The following GAD2 variants were observed in gnomAD, a reference collection of about 807,000 sequenced individuals.
GAD2 encodes the protein 65 kDa glutamic acid decarboxylase.
GAD2 carries 22 observed loss-of-function variants against 80.1 expected under a neutral mutation model. The ratio of observed to expected loss-of-function variants is 0.27; its 90% confidence interval spans 0.20 to 0.39. The LOEUF (loss-of-function observed/expected upper bound fraction) is 0.39. Among genes scored for constraint, GAD2 ranks in the 10% least tolerant of loss-of-function variants. GAD2 has a pLI of 1.00. For missense variants in GAD2, 624 were observed against 738.4 expected, an observed-to-expected ratio of 0.85 and a Z score of 1.80; for synonymous variants, 274 against 256.9, an observed-to-expected ratio of 1.07 and a Z score of -0.64.
intron 6 of GAD2, among the ~76,000 whole-genome samples, chr10:26,226,604 C>T (rs891192425): frequency 2.0e-5 from 3 of 152,196 alleles, no homozygotes; most frequent in Non-Finnish European, 2.9e-5. Flanking sequence ...ACCAGCCTTG[C>T]TCCTGCAGTA....
intron 7 of GAD2, among the ~76,000 whole-genome samples, chr10:26,232,690 A>G (rs1185527058): frequency 6.6e-6 from 1 of 151,882 alleles, no homozygotes; most frequent in Non-Finnish European, 1.5e-5. Flanking sequence ...TTTAGTAGAG[A>G]CAGGGTTTCA....
chr10:26,262,890 G>A (rs571852078), intron 8 of GAD2, among the ~76,000 whole-genome samples: 1 of 151,980 alleles, frequency 6.6e-6, no homozygotes, highest in African/African-American at 2.4e-5. Context: ...TTAGGGAAGA[G>A]GGACGGTAGT....
intron 13 of GAD2, among the ~76,000 whole-genome samples, chr10:26,290,909 A>G (rs1165348581): frequency 1.3e-5 from 2 of 152,238 alleles, no homozygotes; most frequent in African/African-American, 4.8e-5. Context: ...TTTCTGTGTC[A>G]TTCCCCATGT....
At chr10:26,296,840 ATATT>A (rs1373347258) in intron 15 of GAD2, among the ~76,000 whole-genome samples, 79 of 152,306 alleles carry the variant, frequency 5.2e-4, no homozygotes, top group Non-Finnish European at 9.8e-4. Flanking sequence ...GCCTGGACTT[ATATT>A]TAATACAGAC....
chr10:26,291,046 A>T (rs1038938460), intron 13 of GAD2, among the ~76,000 whole-genome samples: 1 of 152,224 alleles, frequency 6.6e-6, no homozygotes, highest in South Asian at 2.1e-4. Context: ...ACTCTTCTTC[A>T]TGGGAAATCA....
intron 7 of GAD2, among the ~76,000 whole-genome samples, chr10:26,240,886 C>T (rs1844733905): frequency 6.6e-6 from 1 of 151,634 alleles, no homozygotes; most frequent in African/African-American, 2.4e-5. Flanking sequence ...AATACAAAAA[C>T]AAAAAATTAG....
chr10:26,224,563 A>G lies in GAD2; in HGVS notation c.636A>G (p.Val212=), dbSNP rs951588653. ...GGTTCACCTATGAAATTGCTCCAGT[A>G]TTTGTGCTTTTGGAATATGTCACAC... The part of the protein sequence containing the change: ...TNMFTYEIAP[V]FVLLEYVTLK... The change falls in exon 6 of 16, where the codon GTA becomes GTG. Residue 212 remains valine (V), a synonymous_variant. Coordinates refer to ENST00000376261, the MANE Select transcript of GAD2 (RefSeq NM_001134366.2). The G allele has an allele frequency of 3.7e-6, 6 of 1,613,554 alleles. No individual in the cohort carries two copies. Among genetic ancestry groups the G allele is most frequent in the Non-Finnish European group, 5.1e-6 (6 of 1,179,572 alleles).
At chr10:26,222,835 G>A (rs1272380973) in intron 4 of GAD2, among the ~76,000 whole-genome samples, 1 of 152,176 alleles carries the variant, frequency 6.6e-6, no homozygotes, top group Non-Finnish European at 1.5e-5. Context: ...TGTTTTGCCT[G>A]TGCTGGAGAT....
intron 8 of GAD2, among the ~76,000 whole-genome samples, chr10:26,250,052 GTCTTGCTC>G (rs2132291106): frequency 6.6e-6 from 1 of 151,988 alleles, no homozygotes; most frequent in African/African-American, 2.4e-5. Context: ...AAGACATGAG[GTCTTGCTC>G]TTTACCCAGG....
rs139860848 is a variant in GAD2, at chr10:26,236,590, C to T, written c.840+6813C>T. Among the ~76,000 whole-genome samples the T allele has an allele frequency of 4.4e-3, 675 of 152,158 alleles. 4 individuals carry two copies. Among genetic ancestry groups the T allele is most frequent in the African/African-American group, 0.015 (642 of 41,514 alleles). ...TGCTGGAATTACAGGCGTGAGCCAC[C>T]GCACCTGGCCATAAAGATGACTTTC... On this transcript the variant is annotated intron_variant, in intron 7 of 15. Coordinates refer to ENST00000376261, the MANE Select transcript of GAD2 (RefSeq NM_001134366.2).
chr10:26,270,631 T>C lies in GAD2; in HGVS notation c.976-9T>C, dbSNP rs190062355. On this transcript the variant is annotated splice_polypyrimidine_tract_variant and intron_variant, in intron 9 of 15. Transcript: ENST00000376261. ...TTTTCCATGATTTGGGGCTTTCTCGTTCGCACAGGGGTTTGTTCCTTTCCT... is the reference window on the plus strand; with the variant it reads ...TTTTCCATGATTTGGGGCTTTCTCGCTCGCACAGGGGTTTGTTCCTTTCCT... The C allele has an allele frequency of 3.4e-5, 54 of 1,600,316 alleles. 1 individual carries two copies. In the African/African-American group the frequency reaches 5.7e-4, roughly 17 times the overall value.
intron 7 of GAD2, among the ~76,000 whole-genome samples, chr10:26,236,750 C>A (rs567533529): frequency 6.6e-6 from 1 of 152,116 alleles, no homozygotes; most frequent in Admixed American, 6.5e-5. Context: ...ATGTATTGCT[C>A]CCCCCTTAGT....
At chr10:26,271,080 C>G (rs530359445) in intron 10 of GAD2, among the ~76,000 whole-genome samples, 1 of 152,322 alleles carries the variant, frequency 6.6e-6, no homozygotes, top group Non-Finnish European at 1.5e-5. Flanking sequence ...CCTACGCACA[C>G]AGTCCTGCTG....
At chr10:26,225,676 T>C (rs183183143) in intron 6 of GAD2, among the ~76,000 whole-genome samples, 2 of 152,038 alleles carry the variant, frequency 1.3e-5, no homozygotes, top group East Asian at 3.9e-4. Context: ...TAAGCAAGAG[T>C]GACCCCAAGG....
At chr10:26,234,711 TGG>T (rs1844649028) in intron 7 of GAD2, among the ~76,000 whole-genome samples, 1 of 152,176 alleles carries the variant, frequency 6.6e-6, no homozygotes, top group East Asian at 1.9e-4. Flanking sequence ...ATAAGACTGT[TGG>T]GAGGGTTCAA....
intron 6 of GAD2, among the ~76,000 whole-genome samples, chr10:26,228,471 G>A (rs113781265): frequency 2.0e-4 from 31 of 152,204 alleles, no homozygotes; most frequent in African/African-American, 7.5e-4. Context: ...CTAGTTTAGA[G>A]GGAATGAATA....
At position 26,236,889 on chromosome 10, in the gene GAD2, C is replaced by T. The variant is rs145710394; in HGVS notation, c.840+7112C>T. 1.1e-4 allele frequency among the ~76,000 whole-genome samples: 16 copies of T among 152,294 alleles called. 1 individual carries two copies. The East Asian group carries it at 3.1e-3, about 29-fold the overall frequency. Reference sequence around the variant, plus strand: ...CTCCCATGTTATTTTCTCCTCTACCCAGTCCATCCAAACCTCCTCTCAGGA... The same window carrying T: ...CTCCCATGTTATTTTCTCCTCTACCTAGTCCATCCAAACCTCCTCTCAGGA... On this transcript the variant is annotated intron_variant, in intron 7 of 15. Coordinates refer to ENST00000376261, the MANE Select transcript of GAD2 (RefSeq NM_001134366.2).
At position 26,217,612 on chromosome 10, in the gene GAD2, C is replaced by T; in HGVS notation, c.79C>T (p.Arg27Ter). The change falls in exon 2 of 16, where the codon CGA becomes TGA. Residue 27 changes from arginine (R) to a stop codon, truncating the protein, a stop_gained and splice_region_variant. Transcript: ENST00000376261. LOFTEE classifies it high-confidence loss of function. This position sits in a 1 kb window ranked among gnomAD's most constrained non-coding sequence, Gnocchi z 4.9. Reference sequence around the variant, plus strand: ...TGCCTGCCTATTCTTCCTTGCAGCGCGAGCCTGGTGCCAAGTGGCTCAGAA... The same window carrying T: ...TGCCTGCCTATTCTTCCTTGCAGCGTGAGCCTGGTGCCAAGTGGCTCAGAA... ...SGDSENPGTA[R>*]AWCQVAQKFT... 1 of 1,612,578 alleles carries T rather than the reference C, an allele frequency of 6.2e-7. No homozygotes were observed. Among genetic ancestry groups the T allele is most frequent in the Admixed American group, 1.7e-5 (1 of 59,856 alleles).
intron 15 of GAD2, among the ~76,000 whole-genome samples, chr10:26,295,132 T>C (rs548757719): frequency 6.6e-6 from 1 of 152,150 alleles, no homozygotes; most frequent in Non-Finnish European, 1.5e-5. Context: ...AGGCTCCCCC[T>C]TTTAAATATC....
Sources: allele counts gnomAD v4.1 joint callset (sites outside exome capture counted in the v4.1 genomes callset), GRCh38; gene constraint gnomAD v4.1.1; non-coding constraint Gnocchi (gnomAD v3.1); transcripts MANE v1.5; gene names NCBI Gene and HGNC (gene_info 2026-07-23, HGNC 2026-07-21).